Variants in NEGR1 observed in about 807,000 individuals in gnomAD.
NEGR1 encodes the protein IgLON family member 4.
NEGR1 carries 10 observed loss-of-function variants against 40.9 expected under a neutral mutation model. The observed-to-expected ratio is 0.24, with a 90% CI of 0.15 to 0.42. The LOEUF (loss-of-function observed/expected upper bound fraction) is 0.42. Among genes scored for constraint, NEGR1 ranks in the 10% least tolerant of loss-of-function variants. The pLI is 1.00. For synonymous variants in NEGR1, 185 were observed against 166.8 expected (o/e 1.11, Z -0.84); for missense variants, 352 against 438.9 (o/e 0.80, Z 1.77).
intron 3 of NEGR1, among the ~76,000 whole-genome samples, chr1:71,754,286 G>A (rs531660290): frequency 1.8e-4 from 27 of 152,260 alleles, no homozygotes; most frequent in African/African-American, 6.5e-4. Flanking sequence ...GGTTTACAAA[G>A]AAAATATAAA....
intron 4 of NEGR1, among the ~76,000 whole-genome samples, chr1:71,695,317 G>A (rs1329219427): frequency 6.6e-6 from 1 of 151,608 alleles, no homozygotes; most frequent in Non-Finnish European, 1.5e-5. Flanking sequence ...TATGACTCAG[G>A]GAGAAGCAAA....
chr1:71,773,466 T>G (rs1325090396), intron 3 of NEGR1, among the ~76,000 whole-genome samples: 1 of 152,188 alleles, frequency 6.6e-6, no homozygotes, highest in Non-Finnish European at 1.5e-5. Context: ...AATATTGATA[T>G]TTCTTAGGCA....
intron 4 of NEGR1, among the ~76,000 whole-genome samples, chr1:71,629,675 C>T (rs891100497): frequency 3.9e-5 from 6 of 151,960 alleles, no homozygotes; most frequent in African/African-American, 1.4e-4. Context: ...CAAACTGTCT[C>T]TATTTGCAGA....
chr1:71,748,608 T>A (rs1467232062), intron 3 of NEGR1, among the ~76,000 whole-genome samples: 2 of 152,156 alleles, frequency 1.3e-5, no homozygotes, highest in Non-Finnish European at 2.9e-5. Context: ...TATTTACTTA[T>A]AATATTTCAG....
chr1:72,243,474 C>A (rs1383106348), intron 1 of NEGR1, among the ~76,000 whole-genome samples: 2 of 151,598 alleles, frequency 1.3e-5, no homozygotes, highest in Non-Finnish European at 3.0e-5. Flanking sequence ...GCACATGTAC[C>A]CCTTGAATCT....
chr1:71,878,843 T>C (rs996496990), intron 2 of NEGR1, among the ~76,000 whole-genome samples: 1 of 152,202 alleles, frequency 6.6e-6, no homozygotes, highest in Non-Finnish European at 1.5e-5. Context: ...TAATAAGTGA[T>C]ATATCTGGGT....
chr1:71,500,922 A>AT (rs1456606654), intron 6 of NEGR1, among the ~76,000 whole-genome samples: 4 of 151,860 alleles, frequency 2.6e-5, no homozygotes, highest in African/African-American at 4.8e-5. Context: ...TTTTTTGAAT[A>AT]TTTTTTATCT....
intron 1 of NEGR1, among the ~76,000 whole-genome samples, chr1:72,076,445 C>A (rs754685857): frequency 2.2e-4 from 33 of 152,080 alleles, no homozygotes; most frequent in Non-Finnish European, 2.9e-4. Context: ...TATAAGCTAT[C>A]CAATTTATGG....
At chr1:72,170,227 T>C (rs891437430) in intron 1 of NEGR1, among the ~76,000 whole-genome samples, 1 of 152,184 alleles carries the variant, frequency 6.6e-6, no homozygotes, top group Non-Finnish European at 1.5e-5. Flanking sequence ...TATCAGTTAG[T>C]TTTTAATTGA....
chr1:72,209,512 A>G (rs1223446950), intron 1 of NEGR1, among the ~76,000 whole-genome samples: 1 of 151,786 alleles, frequency 6.6e-6, no homozygotes, highest in Non-Finnish European at 1.5e-5. Flanking sequence ...AAAAAATTCT[A>G]GAACTCTGAA....
At chr1:72,099,392 A>C (rs895609670) in intron 1 of NEGR1, among the ~76,000 whole-genome samples, 1 of 151,976 alleles carries the variant, frequency 6.6e-6, no homozygotes, top group East Asian at 1.9e-4. Flanking sequence ...ACTCTTCATT[A>C]CTTAGTCATT....
chr1:71,609,924 A>AT (rs1650200101), intron 5 of NEGR1, among the ~76,000 whole-genome samples: 1 of 152,174 alleles, frequency 6.6e-6, no homozygotes, highest in African/African-American at 2.4e-5. Flanking sequence ...ATAGTGAGTG[A>AT]GTTCTCACAA....
At chr1:71,422,239 T>C (rs570380908) in intron 6 of NEGR1, among the ~76,000 whole-genome samples, 2 of 152,316 alleles carry the variant, frequency 1.3e-5, no homozygotes, top group Non-Finnish European at 2.9e-5. Flanking sequence ...GATTTCAATT[T>C]AACGTTAAAA....
At chr1:71,416,681 G>A (rs1037637507) in intron 6 of NEGR1, among the ~76,000 whole-genome samples, 3 of 152,144 alleles carry the variant, frequency 2.0e-5, no homozygotes, top group Non-Finnish European at 4.4e-5. Flanking sequence ...AAGACCTTCT[G>A]TAAACTTTCT....
At chr1:72,086,195 G>A (rs537528190) in intron 1 of NEGR1, among the ~76,000 whole-genome samples, 161 of 152,130 alleles carry the variant, frequency 1.1e-3, no homozygotes, top group African/African-American at 3.7e-3. Flanking sequence ...CTAGTTACAC[G>A]TTAGTGACAC....
chr1:72,252,086 T>C (rs1045199599), intron 1 of NEGR1, among the ~76,000 whole-genome samples: 5 of 150,014 alleles, frequency 3.3e-5, no homozygotes, highest in Middle Eastern at 3.4e-3. Context: ...ATTTTTTACA[T>C]GAAAATGTAT....
At chr1:71,750,513 T>A (rs1040804571) in intron 3 of NEGR1, among the ~76,000 whole-genome samples, 6 of 152,046 alleles carry the variant, frequency 3.9e-5, no homozygotes, top group African/African-American at 1.4e-4. Flanking sequence ...GGCCTCACAA[T>A]CATGGCAGAA....
chr1:71,654,374 T>C (rs1324933363), intron 4 of NEGR1, among the ~76,000 whole-genome samples: 2 of 152,186 alleles, frequency 1.3e-5, no homozygotes, highest in African/African-American at 4.8e-5. Flanking sequence ...GATCAATTGT[T>C]GCAAATATAC....
At chr1:71,834,886 A>AACACACACACACACACAC (rs1330229060) in intron 2 of NEGR1, among the ~76,000 whole-genome samples, 12 of 78,166 alleles carry the variant, frequency 1.5e-4, no homozygotes, top group South Asian at 9.7e-4. Context: ...ATTTTAGGAG[A>AACACACACACACACACAC]TCACACACAC....
Sources: allele counts gnomAD v4.1 joint callset (sites outside exome capture counted in the v4.1 genomes callset), GRCh38; gene constraint gnomAD v4.1.1; transcripts MANE v1.5; gene names NCBI Gene and HGNC (gene_info 2026-07-23, HGNC 2026-07-21).